LIPC: variants seen among roughly 807,000 people sequenced by gnomAD.
LIPC encodes hepatic triacylglycerol lipase.
LIPC carries 44 observed loss-of-function variants against 50.7 expected under a neutral mutation model. The observed-to-expected ratio is 0.87, with a 90% CI of 0.68 to 1.11. The LOEUF (loss-of-function observed/expected upper bound fraction) is 1.11, where lower values mean the gene tolerates loss of function less well. Ranked by LOEUF, LIPC falls within the 50% of genes most tolerant of loss-of-function variation. The pLI, the probability that LIPC is intolerant of heterozygous loss-of-function variation, is 0.00. For missense variants in LIPC, 697 were observed against 648.2 expected (o/e 1.08, Z -0.82); for synonymous variants, 271 against 256.4 (o/e 1.06, Z -0.54).
At chr15:58,510,782 T>G (rs1355102099) in intron 1 of LIPC, among the ~76,000 whole-genome samples, 1 of 152,272 alleles carries the variant, frequency 6.6e-6, no homozygotes, top group Middle Eastern at 3.2e-3. Flanking sequence ...TTGTGTATAC[T>G]GGATTCAATG....
At chr15:58,437,732 T>G (rs1315680729) in intron 1 of LIPC, among the ~76,000 whole-genome samples, 1 of 152,162 alleles carries the variant, frequency 6.6e-6, no homozygotes, top group African/African-American at 2.4e-5. Context: ...ACATGGAATG[T>G]CACCCATGAC....
chr15:58,557,352 T>C (rs1279911407), intron 6 of LIPC, among the ~76,000 whole-genome samples: 1 of 151,050 alleles, frequency 6.6e-6, no homozygotes, highest in Non-Finnish European at 1.5e-5. Flanking sequence ...GCCAATGTTA[T>C]TATCATGCAT....
At chr15:58,563,862 G>A in intron 8 of LIPC, 139 bp downstream of exon 8, 1 of 780,182 alleles carries the variant, frequency 1.3e-6, no homozygotes, top group Non-Finnish European at 2.2e-6. Flanking sequence ...GCTCAGAAAG[G>A]TGAAGTGACT....
intron 1 of LIPC, among the ~76,000 whole-genome samples, chr15:58,482,900 G>A (rs1453931363): frequency 2.0e-5 from 3 of 152,126 alleles, no homozygotes; most frequent in African/African-American, 7.2e-5. Context: ...GGAGTGATTC[G>A]CTTCTCATCC....
At chr15:58,516,237 CT>C (rs11351202) in intron 1 of LIPC, among the ~76,000 whole-genome samples, 11,814 of 45,502 alleles carry the variant, frequency 0.26, 564 homozygotes, top group Admixed American at 0.31. Context: ...CCTCTAGCTT[CT>C]TTTTTTTTTT....
chr15:58,451,169 G>A (rs1893886779), intron 1 of LIPC, among the ~76,000 whole-genome samples: 1 of 152,194 alleles, frequency 6.6e-6, no homozygotes, highest in African/African-American at 2.4e-5. Context: ...GACCGGCACA[G>A]GATTGGGAGG....
chr15:58,555,028 C>G (rs1893886707), intron 6 of LIPC, among the ~76,000 whole-genome samples: 1 of 152,150 alleles, frequency 6.6e-6, no homozygotes, highest in African/African-American at 2.4e-5. Flanking sequence ...CACGTTCCAT[C>G]CTCCTGCAGA....
intron 1 of LIPC, among the ~76,000 whole-genome samples, chr15:58,473,470 A>C (rs1037486086): frequency 6.6e-6 from 1 of 152,186 alleles, no homozygotes; most frequent in Non-Finnish European, 1.5e-5. Flanking sequence ...TTGGAGGATG[A>C]AAGGCAAGCA....
At chr15:58,458,601 A>T (rs1180066169) in intron 1 of LIPC, among the ~76,000 whole-genome samples, 1 of 152,144 alleles carries the variant, frequency 6.6e-6, no homozygotes, top group African/African-American at 2.4e-5. Flanking sequence ...TATCCCCGTT[A>T]TCTTGGGTGC....
chr15:58,488,159 TACTCAGGAGGCTG>T (rs1371108108), intron 1 of LIPC, among the ~76,000 whole-genome samples: 1 of 152,184 alleles, frequency 6.6e-6, no homozygotes, highest in Non-Finnish European at 1.5e-5. Flanking sequence ...TAATCCCAGC[TACTCAGGAGGCTG>T]AGGCAGGAGG....
At chr15:58,549,463 A>G (rs1489721075) in intron 6 of LIPC, among the ~76,000 whole-genome samples, 7 of 152,240 alleles carry the variant, frequency 4.6e-5, no homozygotes, top group African/African-American at 1.7e-4. Flanking sequence ...CGATGCAGCC[A>G]TCAGCTCCTT....
At chr15:58,553,172 G>A (rs537330583) in intron 6 of LIPC, among the ~76,000 whole-genome samples, 7 of 152,254 alleles carry the variant, frequency 4.6e-5, no homozygotes, top group East Asian at 3.9e-4. Context: ...CTGTCTATCC[G>A]TTGAGGGCCC....
chr15:58,542,139 C>T (rs540118354), intron 3 of LIPC, among the ~76,000 whole-genome samples, 172 bp downstream of exon 3: 25 of 152,306 alleles, frequency 1.6e-4, no homozygotes, highest in East Asian at 1.2e-3. Flanking sequence ...CTCTCTCAGA[C>T]GCCTCCCTTG....
At chr15:58,527,030 G>T (rs1323553988) in intron 1 of LIPC, among the ~76,000 whole-genome samples, 1 of 152,204 alleles carries the variant, frequency 6.6e-6, no homozygotes, top group Admixed American at 6.5e-5. Context: ...GGAAACTGTC[G>T]GGTACCTGCC....
At chr15:58,432,403 A>T in intron 1 of LIPC, 1 of 450,478 alleles carries the variant, frequency 2.2e-6, no homozygotes, top group East Asian at 4.3e-5. Context: ...GCTAAAAGTT[A>T]TTCAGCGGCA....
At chr15:58,524,023 T>G (rs1291392607) in intron 1 of LIPC, among the ~76,000 whole-genome samples, 2 of 152,164 alleles carry the variant, frequency 1.3e-5, no homozygotes, top group African/African-American at 4.8e-5. Context: ...TAGAATAGAT[T>G]TGCAAAATCT....
intron 1 of LIPC, among the ~76,000 whole-genome samples, chr15:58,443,551 C>T (rs1893578321): frequency 6.6e-6 from 1 of 152,204 alleles, no homozygotes; most frequent in Admixed American, 6.5e-5. Flanking sequence ...GAAGCTTTTT[C>T]CTCCATCCAA....
intron 8 of LIPC, chr15:58,565,560 G>C (rs1894337790): frequency 8.4e-7 from 1 of 1,195,618 alleles, no homozygotes; most frequent in South Asian, 3.0e-5. Context: ...GGTAGTATTG[G>C]CTGTGCAGAT....
At chr15:58,436,024 T>C (rs1595842844) in intron 1 of LIPC, 3 of 152,364 alleles carry the variant, frequency 2.0e-5, no homozygotes, top group South Asian at 2.1e-4. Flanking sequence ...AGTAAGTATA[T>C]GTAAGCTTCA....
Sources: gnomAD v4.1 joint callset for allele counts (sites outside exome capture counted in the v4.1 genomes callset) on GRCh38, gnomAD v4.1.1 for gene constraint, MANE v1.5 for transcripts, NCBI Gene and HGNC (gene_info 2026-07-23, HGNC 2026-07-21) for gene names.